MOGAT2: variants seen among roughly 807,000 people sequenced by gnomAD.
MOGAT2 encodes the protein 2-acylglycerol O-acyltransferase 2.
In MOGAT2, 27 loss-of-function variants were observed where a neutral mutation model predicts 31.5. The observed-to-expected ratio is 0.86, with a 90% CI of 0.63 to 1.18. MOGAT2 has a LOEUF of 1.18. Among genes scored for constraint, MOGAT2 ranks in the 50% most tolerant of loss-of-function variants. MOGAT2 has a pLI of 0.00. For missense variants in MOGAT2, 436 were observed against 433.2 expected, an observed-to-expected ratio of 1.01 and a Z score of -0.06; for synonymous variants, 163 against 170.0, an observed-to-expected ratio of 0.96 and a Z score of 0.32.
At position 75,727,951 on chromosome 11, in the gene MOGAT2, C is replaced by A; in HGVS notation, c.476-19C>A. On this transcript the variant is annotated intron_variant, in intron 3 of 5. Transcript: ENST00000198801. Reference sequence around the variant, plus strand: ...CTGCTCCCTCACCCCATACCTGACCCACTTTTCTCTTTCCCTAGGGTTGGT... The same window carrying A: ...CTGCTCCCTCACCCCATACCTGACCAACTTTTCTCTTTCCCTAGGGTTGGT... 2.5e-6 allele frequency: 4 copies of A among 1,586,476 alleles called. No homozygotes were observed. The highest frequency in any genetic ancestry group is 3.4e-6 in the Non-Finnish European group (4 of 1,165,778).
chr11:75,720,988 G>A (rs930137790), intron 2 of MOGAT2, among the ~76,000 whole-genome samples: 1 of 152,146 alleles, frequency 6.6e-6, no homozygotes, highest in African/African-American at 2.4e-5. Flanking sequence ...GGCAGTGATG[G>A]TTTATTGGCC....
intron 4 of MOGAT2, 105 bp downstream of exon 4, chr11:75,728,249 A>G (rs1345688254): frequency 2.3e-6 from 3 of 1,287,040 alleles, no homozygotes; most frequent in African/African-American, 1.5e-5. Flanking sequence ...ATTTTGGTAG[A>G]GATTTTCAGT....
intron 2 of MOGAT2, among the ~76,000 whole-genome samples, chr11:75,723,072 C>T (rs1166421610): frequency 1.3e-5 from 2 of 152,136 alleles, no homozygotes; most frequent in African/African-American, 4.8e-5. Flanking sequence ...AGCGATTCTC[C>T]TGCCTCAGCC....
In MOGAT2 at chr11:75,727,672, G is replaced by A. The variant is rs769508979; in HGVS notation, c.475+33G>A. On this transcript the variant is annotated intron_variant, in intron 3 of 5. Coordinates refer to ENST00000198801, the MANE Select transcript of MOGAT2 (RefSeq NM_025098.4). ...TTTCTACCCCTGAGCAGCTCAGGAA[G>A]GTAACAAATTTTCGGAAGGGTTGCC... 7 of 1,586,744 alleles carry A rather than the reference G, an allele frequency of 4.4e-6. No individual in the cohort carries two copies. In the South Asian group the frequency reaches 7.8e-5, roughly 18 times the overall value.
intron 1 of MOGAT2, 91 bp from the exon 2 acceptor site, chr11:75,719,901 T>C (rs1475195087): frequency 7.7e-7 from 1 of 1,300,020 alleles, no homozygotes; most frequent in Non-Finnish European, 1.1e-6. Flanking sequence ...GTGCTGCTAG[T>C]GCCAGGCCTA....
intron 1 of MOGAT2, among the ~76,000 whole-genome samples, chr11:75,718,966 T>TTCTCTC (rs149754751): frequency 2.0e-5 from 3 of 147,064 alleles, no homozygotes; most frequent in Admixed American, 1.4e-4. Flanking sequence ...CCATCTCTCT[T>TTCTCTC]TCTCTCTCTC....
At chr11:75,718,485 G>T (rs953572958) in intron 1 of MOGAT2, among the ~76,000 whole-genome samples, 2 of 152,164 alleles carry the variant, frequency 1.3e-5, no homozygotes, top group Non-Finnish European at 1.5e-5. Context: ...AGGAAACCCG[G>T]AGTCAGACTC....
Position 75,731,540 on chromosome 11 carries a change from A to G in MOGAT2, c.*254A>G, listed in dbSNP as rs943325375. 3 of 400,192 alleles carry G rather than the reference A, an allele frequency of 7.5e-6. No individual in the cohort carries two copies. The highest frequency in any genetic ancestry group is 1.3e-5 in the Non-Finnish European group (3 of 238,410). 24.8% of individuals were successfully genotyped at this position (400,192 alleles called of 1,614,324 possible). A position where few individuals can be genotyped will look rare whatever the true frequency, so the allele number is the denominator to read the frequency against. On this transcript the variant is annotated 3_prime_UTR_variant, in exon 6 of 6. Transcript: ENST00000198801. The stretch of plus-strand genomic sequence containing the variant: ...ACATGGACACTGGGCCCCTCTCTAT[A>G]TTGAGTGGTCTGTTAACATTCATTG...
intron 1 of MOGAT2, 36 bp downstream of exon 1, chr11:75,718,015 G>A (rs200693193): frequency 8.2e-6 from 13 of 1,590,624 alleles, no homozygotes; most frequent in East Asian, 4.5e-5. Flanking sequence ...GGAGACCACC[G>A]CACTCAGGTG....
chr11:75,730,047 C>T (rs1019051772), intron 5 of MOGAT2, among the ~76,000 whole-genome samples: 2 of 152,062 alleles, frequency 1.3e-5, no homozygotes, highest in African/African-American at 4.8e-5. Flanking sequence ...GCCTGGCCTC[C>T]GACAGACTTT....
intron 1 of MOGAT2, 96 bp downstream of exon 1, chr11:75,718,075 C>T (rs1292473119): frequency 1.1e-5 from 14 of 1,231,192 alleles, no homozygotes; most frequent in Middle Eastern, 1.9e-4. Context: ...GGTGGCAAGA[C>T]ATTTATCCTA....
intron 1 of MOGAT2, 114 bp downstream of exon 1, chr11:75,718,093 C>T (rs1191913967): frequency 9.3e-7 from 1 of 1,072,744 alleles, no homozygotes; most frequent in East Asian, 2.6e-5. Flanking sequence ...CTAAAGGGGG[C>T]TTTGTTGCGC....
chr11:75,718,647 T>C (rs1320385216), intron 1 of MOGAT2, among the ~76,000 whole-genome samples: 1 of 152,166 alleles, frequency 6.6e-6, no homozygotes, highest in Non-Finnish European at 1.5e-5. Context: ...AGACCTGGCC[T>C]GGACCCTGGG....
intron 4 of MOGAT2, chr11:75,728,443 C>A (rs1944442288): frequency 3.6e-6 from 2 of 560,184 alleles, no homozygotes; most frequent in African/African-American, 1.9e-5. Context: ...GAGCTGTTCT[C>A]CCTCCTTGGG....
At chr11:75,720,952 A>C (rs1212430943) in intron 2 of MOGAT2, among the ~76,000 whole-genome samples, 1 of 152,112 alleles carries the variant, frequency 6.6e-6, no homozygotes, top group African/African-American at 2.4e-5. Context: ...ATCCCAGGCA[A>C]TTTAAAGCCT....
intron 5 of MOGAT2, among the ~76,000 whole-genome samples, chr11:75,730,168 AATTT>A (rs1452415064): frequency 2.0e-5 from 3 of 152,156 alleles, no homozygotes; most frequent in Non-Finnish European, 4.4e-5. Context: ...TATTTTCATG[AATTT>A]TAATATTTCT....
chr11:75,728,399 G>C (rs570239080), intron 4 of MOGAT2: 1 of 627,478 alleles, frequency 1.6e-6, no homozygotes, highest in Non-Finnish European at 2.9e-6. Flanking sequence ...GAGATCTGTG[G>C]TATCTAGAAG....
Position 75,731,229 on chromosome 11 carries a change from C to T in MOGAT2, c.948C>T (p.Phe316=), listed in dbSNP as rs140336718. 4.2e-3 allele frequency: 6,746 copies of T among 1,614,112 alleles called. 20 individuals carry two copies. Among genetic ancestry groups the T allele is most frequent in the Non-Finnish European group, 5.3e-3 (6,301 of 1,180,032 alleles). ...QRYIKELCNL[F]EAHKLKFNIP... Reference sequence around the variant, plus strand: ...ATATCAAAGAGCTGTGCAACCTCTTCGAGGCCCACAAACTTAAGTTCAACA... The same window carrying T: ...ATATCAAAGAGCTGTGCAACCTCTTTGAGGCCCACAAACTTAAGTTCAACA... The change falls in exon 6 of 6, where the codon TTC becomes TTT. Residue 316 remains phenylalanine (F), a synonymous_variant. Coordinates refer to ENST00000198801, the MANE Select transcript of MOGAT2 (RefSeq NM_025098.4).
intron 5 of MOGAT2, among the ~76,000 whole-genome samples, chr11:75,730,399 T>G (rs1336999122): frequency 6.6e-6 from 1 of 152,130 alleles, no homozygotes; most frequent in Admixed American, 6.5e-5. Context: ...TCATGGCATC[T>G]TGGACTCCCC....
Sources: gnomAD v4.1 joint callset for allele counts (sites outside exome capture counted in the v4.1 genomes callset) on GRCh38, gnomAD v4.1.1 for gene constraint, MANE v1.5 for transcripts, NCBI Gene and HGNC (gene_info 2026-07-23, HGNC 2026-07-21) for gene names.